Variants in ADAMTS16 observed in about 807,000 individuals in gnomAD.
The protein encoded by ADAMTS16 is A disintegrin and metalloproteinase with thrombospondin motifs 16.
In ADAMTS16, 94 loss-of-function variants were observed where a neutral mutation model predicts 145.8. The ratio of observed to expected loss-of-function variants is 0.64; its 90% CI spans 0.55 to 0.77. The LOEUF (loss-of-function observed/expected upper bound fraction) is 0.77. ADAMTS16 is among the 30% of genes least tolerant of loss of function. The pLI, the probability that ADAMTS16 is intolerant of heterozygous loss-of-function variation, is 0.00. For missense variants in ADAMTS16, 1,585 were observed against 1,591.5 expected, an observed-to-expected ratio of 1.00 and a Z score of 0.07; for synonymous variants, 659 against 604.3, an observed-to-expected ratio of 1.09 and a Z score of -1.33.
At chr5:5,229,021 G>A (rs888121267) in intron 11 of ADAMTS16, among the ~76,000 whole-genome samples, 37 of 152,152 alleles carry the variant, frequency 2.4e-4, no homozygotes, top group Non-Finnish European at 4.0e-4. Context: ...TAAGTTGGCC[G>A]GGCGCGGTGG....
intron 10 of ADAMTS16, among the ~76,000 whole-genome samples, chr5:5,221,990 G>A (rs1004940448): frequency 2.6e-5 from 4 of 152,200 alleles, no homozygotes; most frequent in Admixed American, 2.0e-4. Flanking sequence ...AATGTTTTCA[G>A]CATGTCCAGT....
chr5:5,219,857 A>G (rs1383020812), intron 10 of ADAMTS16, among the ~76,000 whole-genome samples: 2 of 152,210 alleles, frequency 1.3e-5, no homozygotes, highest in Admixed American at 1.3e-4. Context: ...ACCTTTAACA[A>G]TATCATCATC....
chr5:5,271,693 A>G (rs1486931351), intron 18 of ADAMTS16, among the ~76,000 whole-genome samples: 2 of 152,242 alleles, frequency 1.3e-5, no homozygotes, highest in African/African-American at 2.4e-5. Flanking sequence ...TGAAGATACA[A>G]GAGGAAATGC....
At chr5:5,311,964 G>A (rs539959085) in intron 21 of ADAMTS16, among the ~76,000 whole-genome samples, 16 of 152,002 alleles carry the variant, frequency 1.1e-4, no homozygotes, top group Non-Finnish European at 2.1e-4. Context: ...TAATCCACTC[G>A]CCTCAGCCTC....
chr5:5,148,388 G>T (rs181754781), intron 3 of ADAMTS16, among the ~76,000 whole-genome samples: 1 of 152,202 alleles, frequency 6.6e-6, no homozygotes, highest in Admixed American at 6.5e-5. Flanking sequence ...CTTCTAGCAG[G>T]AAATGCTCTA....
intron 17 of ADAMTS16, among the ~76,000 whole-genome samples, chr5:5,243,777 C>T (rs1737362726): frequency 6.6e-6 from 1 of 152,196 alleles, no homozygotes; most frequent in Non-Finnish European, 1.5e-5. Context: ...TCACTGGTGT[C>T]TTTCCTTTGA....
intron 17 of ADAMTS16, among the ~76,000 whole-genome samples, chr5:5,250,626 G>T (rs1737592529): frequency 6.6e-6 from 1 of 152,106 alleles, no homozygotes; most frequent in African/African-American, 2.4e-5. Context: ...GGTGGAGAGG[G>T]TGCTGTTTGG....
chr5:5,302,585 A>T (rs569965676), intron 18 of ADAMTS16, among the ~76,000 whole-genome samples: 3 of 152,230 alleles, frequency 2.0e-5, no homozygotes, highest in Non-Finnish European at 4.4e-5. Flanking sequence ...GGTTTCTTTA[A>T]CAAATACATT....
At position 5,140,407 on chromosome 5, in the gene ADAMTS16, C is replaced by A; in HGVS notation, c.-61C>A. On this transcript the variant is annotated 5_prime_UTR_variant, in exon 1 of 23. Transcript: ENST00000274181. ...CTGCCTGGGTCGGGTCCTCCCTGCCCGCTCGCACGCTGCCGGCCGGGGACC... is the reference window on the plus strand; with the variant it reads ...CTGCCTGGGTCGGGTCCTCCCTGCCAGCTCGCACGCTGCCGGCCGGGGACC... 1 of 1,470,670 alleles carries A rather than the reference C, an allele frequency of 6.8e-7. No individual in the cohort carries two copies. The allele number at this position is 1,470,670 out of a possible 1,614,324, so 91.1% of individuals were successfully genotyped here. A position where few individuals can be genotyped will look rare whatever the true frequency, so the allele number is the denominator to read the frequency against.
intron 18 of ADAMTS16, among the ~76,000 whole-genome samples, chr5:5,290,961 A>G (rs115795193): frequency 0.011 from 1,750 of 152,230 alleles, 39 homozygotes; most frequent in Admixed American, 0.042. Flanking sequence ...TTCGTTAGGT[A>G]TAAATAAATC....
At chr5:5,163,155 T>C (rs1274712543) in intron 3 of ADAMTS16, among the ~76,000 whole-genome samples, 1 of 152,212 alleles carries the variant, frequency 6.6e-6, no homozygotes, top group African/African-American at 2.4e-5. Flanking sequence ...ATTCACTTAT[T>C]TTGTGGAGAA....
chr5:5,287,450 G>C (rs1306494851), intron 18 of ADAMTS16, among the ~76,000 whole-genome samples: 1 of 152,088 alleles, frequency 6.6e-6, no homozygotes, highest in African/African-American at 2.4e-5. Context: ...CATCTACAGA[G>C]GCTTATACCT....
intron 12 of ADAMTS16, among the ~76,000 whole-genome samples, chr5:5,233,751 G>T (rs56307540): frequency 6.6e-6 from 1 of 152,080 alleles, no homozygotes; most frequent in Non-Finnish European, 1.5e-5. Context: ...ATTGATGGGC[G>T]TTTAGGTTGA....
chr5:5,302,502 C>A (rs760427055), intron 18 of ADAMTS16, among the ~76,000 whole-genome samples: 11 of 152,270 alleles, frequency 7.2e-5, no homozygotes, highest in Non-Finnish European at 1.5e-4. Context: ...AGAACCAACA[C>A]CACAGAGATG....
chr5:5,262,617 G>A (rs1161210840), intron 17 of ADAMTS16, 40 bp from the exon 18 acceptor site: 1 of 1,595,388 alleles, frequency 6.3e-7, no homozygotes, highest in African/African-American at 1.3e-5. Context: ...TGTGGGGCAT[G>A]CATGTGAGTC....
intron 3 of ADAMTS16, among the ~76,000 whole-genome samples, chr5:5,174,350 C>G (rs1333890675): frequency 1.1e-4 from 16 of 151,636 alleles, no homozygotes; most frequent in Admixed American, 9.9e-4. Flanking sequence ...GTTGTTTTTT[C>G]TTTTCTCTTG....
chr5:5,202,800 T>C (rs1735997905), intron 9 of ADAMTS16, among the ~76,000 whole-genome samples: 1 of 152,156 alleles, frequency 6.6e-6, no homozygotes, highest in African/African-American at 2.4e-5. Context: ...AATTTGGGTG[T>C]GTAGTGAGAA....
intron 18 of ADAMTS16, among the ~76,000 whole-genome samples, chr5:5,278,611 A>G (rs1382131229): frequency 3.9e-5 from 6 of 152,348 alleles, no homozygotes; most frequent in Non-Finnish European, 8.8e-5. Flanking sequence ...TATCAACTTC[A>G]TGGATTCATT....
intron 13 of ADAMTS16, among the ~76,000 whole-genome samples, chr5:5,236,277 T>C (rs1159915626): frequency 6.7e-6 from 1 of 149,442 alleles, no homozygotes; most frequent in East Asian, 1.9e-4. Flanking sequence ...ACAGATGAAA[T>C]TTTCATCATT....
Sources: allele counts gnomAD v4.1 joint callset (sites outside exome capture counted in the v4.1 genomes callset), GRCh38; gene constraint gnomAD v4.1.1; transcripts MANE v1.5; gene names NCBI Gene and HGNC (gene_info 2026-07-23, HGNC 2026-07-21).